EPM2A: variants seen among roughly 807,000 people sequenced by gnomAD.
EPM2A encodes laforin.
A neutral mutation model predicts 26.5 loss-of-function variants in EPM2A; 21 were observed. The observed-to-expected ratio is 0.79, with a 90% CI of 0.56 to 1.14. The LOEUF (loss-of-function observed/expected upper bound fraction) is 1.14. Ranked by LOEUF, EPM2A falls within the 50% of genes most tolerant of loss-of-function variation. The pLI is 0.00. For synonymous variants in EPM2A, 217 were observed against 177.6 expected (o/e 1.22, Z -1.76); for missense variants, 458 against 440.8 (o/e 1.04, Z -0.35).
At chr6:145,547,553 T>C (rs1197290378) in intron 2 of EPM2A, among the ~76,000 whole-genome samples, 1 of 152,124 alleles carries the variant, frequency 6.6e-6, no homozygotes, top group Non-Finnish European at 1.5e-5. Flanking sequence ...CAACAAAATA[T>C]AGATTCTATC....
At chr6:145,400,974 C>A (rs1310942068) in intron 4 of EPM2A, among the ~76,000 whole-genome samples, 1 of 151,758 alleles carries the variant, frequency 6.6e-6, no homozygotes, top group African/African-American at 2.4e-5. Context: ...AATGTTCCTG[C>A]AGAATGAAAA....
Position 145,600,608 on chromosome 6 carries a change from G to A in EPM2A, c.340+34637C>T, listed in dbSNP as rs75420651. On this transcript the variant is annotated intron_variant, in intron 2 of 3. Transcript: ENST00000450221. The stretch of plus-strand genomic sequence containing the variant: ...GCTTCTCAGTTCCAATCAACCCTTC[G>A]TCTGTTTGTGACACTAGGATATTTT... Among the ~76,000 whole-genome samples, 896 of 152,150 alleles carry A rather than the reference G, an allele frequency of 5.9e-3. 7 individuals are homozygous for A. Among genetic ancestry groups the A allele is most frequent in the African/African-American group, 0.021 (857 of 41,492 alleles).
chr6:145,625,768 T>C lies in EPM2A; in HGVS notation c.*1648A>G. The C allele has an allele frequency of 1.6e-6, 2 of 1,244,526 alleles. No homozygotes were observed. The highest frequency in any genetic ancestry group is 1.2e-5 in the South Asian group (1 of 81,256). 77.1% of individuals were successfully genotyped at this position (1,244,526 alleles called of 1,614,324 possible). A position where few individuals can be genotyped will look rare whatever the true frequency, so the allele number is the denominator to read the frequency against. On this transcript the variant is annotated 3_prime_UTR_variant, in exon 4 of 4. Coordinates refer to ENST00000367519, the MANE Select transcript of EPM2A (RefSeq NM_005670.4). The stretch of plus-strand genomic sequence containing the variant: ...TCATCTCCCCTAAGTGCCACAGTTC[T>C]ATCTCCCCGTCCTCTGAGCTCCACT...
chr6:145,682,183 T>C (rs1780589373), intron 2 of EPM2A, among the ~76,000 whole-genome samples: 1 of 152,166 alleles, frequency 6.6e-6, no homozygotes, highest in Non-Finnish European at 1.5e-5. Context: ...CTTACATGGA[T>C]GGCAGCAGAC....
rs533085449 is a variant in EPM2A at position 145,733,198 on chromosome 6, A to G, written c.301+2000T>C. ...TAATATTTTTCTTATCCTCTCTTATAGGAGTAACTTCCTAGAAAGTCAACA... is the reference window on the plus strand; with the variant it reads ...TAATATTTTTCTTATCCTCTCTTATGGGAGTAACTTCCTAGAAAGTCAACA... On this transcript the variant is annotated intron_variant, in intron 1 of 3. Transcript: ENST00000367519. Among the ~76,000 whole-genome samples, 268 of 152,338 alleles carry G rather than the reference A, an allele frequency of 1.8e-3. 1 individual carries two copies. The highest frequency in any genetic ancestry group is 6.1e-3 in the African/African-American group (255 of 41,582).
At chr6:145,616,374 T>C (rs2128552994) in intron 2 of EPM2A, among the ~76,000 whole-genome samples, 1 of 152,358 alleles carries the variant, frequency 6.6e-6, no homozygotes, top group South Asian at 2.1e-4. Context: ...TTTAAGAAGA[T>C]GCATGGAAAT....
intron 4 of EPM2A, among the ~76,000 whole-genome samples, chr6:145,397,506 A>T (rs983791660): frequency 2.6e-5 from 4 of 152,186 alleles, no homozygotes; most frequent in Admixed American, 1.3e-4. Flanking sequence ...TTAGAACAAG[A>T]AATGTTATCT....
At chr6:145,669,612 A>G (rs1263925093) in intron 2 of EPM2A, among the ~76,000 whole-genome samples, 1 of 152,224 alleles carries the variant, frequency 6.6e-6, no homozygotes, top group Non-Finnish European at 1.5e-5. Flanking sequence ...GAAAAACATC[A>G]TATAAAATTT....
intron 4 of EPM2A, among the ~76,000 whole-genome samples, chr6:145,493,494 G>C (rs1039574411): frequency 6.6e-6 from 1 of 152,172 alleles, no homozygotes; most frequent in African/African-American, 2.4e-5. Flanking sequence ...TCTCTTGATT[G>C]ATTGCTCTGG....
chr6:145,429,794 A>C (rs1232075737), intron 4 of EPM2A, among the ~76,000 whole-genome samples: 1 of 152,172 alleles, frequency 6.6e-6, no homozygotes, highest in South Asian at 2.1e-4. Context: ...TTGTTTTTGT[A>C]AGTAGAAAGC....
chr6:145,635,507 C>T, intron 2 of EPM2A, 21 bp from the exon 3 acceptor site: 1 of 1,613,310 alleles, frequency 6.2e-7, no homozygotes, highest in Non-Finnish European at 8.5e-7. Flanking sequence ...CATATGGAGA[C>T]AACTATCACT....
At chr6:145,612,175 T>C (rs993349127) in intron 2 of EPM2A, among the ~76,000 whole-genome samples, 6 of 152,216 alleles carry the variant, frequency 3.9e-5, no homozygotes, top group African/African-American at 1.4e-4. Context: ...TCAGCTTCTA[T>C]ATTATGCAAG....
At chr6:145,389,389 A>G (rs186216655) in intron 4 of EPM2A, among the ~76,000 whole-genome samples, 1 of 151,894 alleles carries the variant, frequency 6.6e-6, no homozygotes, top group East Asian at 1.9e-4. Context: ...ACGGGGTTTC[A>G]CCATGTTGGC....
chr6:145,499,891 C>G (rs1163657136), downstream of EPM2A, among the ~76,000 whole-genome samples: 1 of 152,180 alleles, frequency 6.6e-6, no homozygotes, highest in Non-Finnish European at 1.5e-5. Flanking sequence ...AGTGTGATCT[C>G]TCTTCTGCGT....
intron 2 of EPM2A, among the ~76,000 whole-genome samples, chr6:145,643,084 G>A (rs1234151691): frequency 1.3e-5 from 2 of 152,254 alleles, no homozygotes; most frequent in Non-Finnish European, 2.9e-5. Flanking sequence ...AAGTGGATAA[G>A]TTCAAGATGT....
chr6:145,703,093 C>CT (rs1293584320), intron 1 of EPM2A, among the ~76,000 whole-genome samples: 3,700 of 87,912 alleles, frequency 0.042, 85 homozygotes, highest in African/African-American at 0.11. Flanking sequence ...AAACATGTTT[C>CT]TTTTTTTTTT....
At chr6:145,569,375 C>T (rs926441244) in intron 2 of EPM2A, among the ~76,000 whole-genome samples, 1 of 152,206 alleles carries the variant, frequency 6.6e-6, no homozygotes, top group African/African-American at 2.4e-5. Flanking sequence ...ATGCCCCCAG[C>T]ATGCTATCCC....
At chr6:145,618,481 G>A (rs1775562265) in intron 2 of EPM2A, among the ~76,000 whole-genome samples, 1 of 152,168 alleles carries the variant, frequency 6.6e-6, no homozygotes, top group Non-Finnish European at 1.5e-5. Context: ...CATGTGTCAT[G>A]GGAGAAACCC....
chr6:145,536,277 GT>G (rs111311303), intron 2 of EPM2A, among the ~76,000 whole-genome samples: 1,785 of 49,398 alleles, frequency 0.036, 40 homozygotes, highest in East Asian at 0.21. Context: ...TTTTGTTTTT[GT>G]TTTGGTTTTT....
Sources: gnomAD v4.1 joint callset for allele counts (sites outside exome capture counted in the v4.1 genomes callset) on GRCh38, gnomAD v4.1.1 for gene constraint, MANE v1.5 for transcripts, NCBI Gene and HGNC (gene_info 2026-07-23, HGNC 2026-07-21) for gene names.